Variants in ERC2 observed in about 807,000 individuals in gnomAD.
ERC2 encodes the protein ELKS/RAB6-interacting/CAST family member 2.
In ERC2, 42 loss-of-function variants were observed where a neutral mutation model predicts 114.8. The observed-to-expected ratio is 0.37, with a 90% CI of 0.29 to 0.47. ERC2 has a LOEUF of 0.47. Among genes scored for constraint, ERC2 ranks in the 20% least tolerant of loss-of-function variants. ERC2 has a pLI of 0.99. For synonymous variants in ERC2, 454 were observed against 425.5 expected, an observed-to-expected ratio of 1.07 and a Z score of -0.82; for missense variants, 939 against 1,150.7, an observed-to-expected ratio of 0.82 and a Z score of 2.66.
At chr3:55,685,010 G>A (rs1312183110) in intron 16 of ERC2, among the ~76,000 whole-genome samples, 1 of 152,024 alleles carries the variant, frequency 6.6e-6, no homozygotes. Context: ...GCCAATATTT[G>A]GCCATTTTTA....
At chr3:56,461,991 T>C (rs781765744) in intron 1 of ERC2, among the ~76,000 whole-genome samples, 6 of 152,214 alleles carry the variant, frequency 3.9e-5, no homozygotes, top group Non-Finnish European at 5.9e-5. Context: ...CTAGAATGTT[T>C]AGCAGAAATA....
At chr3:56,210,015 A>T (rs567466212) in intron 3 of ERC2, among the ~76,000 whole-genome samples, 6 of 152,320 alleles carry the variant, frequency 3.9e-5, no homozygotes, top group African/African-American at 1.4e-4. Context: ...TACTTTTATG[A>T]TTAGCAGACA....
At chr3:56,034,454 T>C (rs1375224594) in intron 7 of ERC2, among the ~76,000 whole-genome samples, 1 of 152,094 alleles carries the variant, frequency 6.6e-6, no homozygotes, top group Non-Finnish European at 1.5e-5. Context: ...CAAGAAACAG[T>C]AGATCTGAAT....
At chr3:55,899,744 C>T (rs1235707860) in intron 13 of ERC2, among the ~76,000 whole-genome samples, 1 of 152,040 alleles carries the variant, frequency 6.6e-6, no homozygotes, top group Non-Finnish European at 1.5e-5. Flanking sequence ...GGAGAAAAGA[C>T]TAGAGGGAAA....
chr3:56,309,575 G>T (rs1408027407), intron 2 of ERC2, among the ~76,000 whole-genome samples: 1 of 152,132 alleles, frequency 6.6e-6, no homozygotes, highest in African/African-American at 2.4e-5. Flanking sequence ...GTGAAGAGTT[G>T]AGTTTTGAAT....
intron 17 of ERC2, among the ~76,000 whole-genome samples, chr3:55,533,657 T>A (rs2053808927): frequency 6.6e-6 from 1 of 152,150 alleles, no homozygotes; most frequent in Admixed American, 6.5e-5. Flanking sequence ...CTCAGGCCAC[T>A]GGGGCTGGTG....
intron 7 of ERC2, among the ~76,000 whole-genome samples, chr3:56,021,814 C>A (rs1246646094): frequency 6.6e-6 from 1 of 152,154 alleles, no homozygotes; most frequent in Non-Finnish European, 1.5e-5. Context: ...TGAGTAAGAA[C>A]ATGTGGTATT....
intron 14 of ERC2, among the ~76,000 whole-genome samples, chr3:55,868,791 G>A (rs6775693): frequency 0.012 from 1,782 of 152,166 alleles, 39 homozygotes; most frequent in African/African-American, 0.04. Flanking sequence ...TTTTAAAATC[G>A]TATTATTTCA....
At chr3:56,205,658 A>AT (rs2048681671) in intron 3 of ERC2, among the ~76,000 whole-genome samples, 1 of 152,240 alleles carries the variant, frequency 6.6e-6, no homozygotes, top group Admixed American at 6.5e-5. Context: ...CCACCAGGTC[A>AT]CAAAACCAGA....
chr3:56,161,642 T>G (rs904158464), intron 4 of ERC2, among the ~76,000 whole-genome samples: 4 of 151,894 alleles, frequency 2.6e-5, no homozygotes, highest in Non-Finnish European at 5.9e-5. Flanking sequence ...CCTAGGTATT[T>G]TGTGTGTGTG....
At chr3:55,638,601 T>C (rs958029414) in intron 17 of ERC2, among the ~76,000 whole-genome samples, 4 of 152,082 alleles carry the variant, frequency 2.6e-5, no homozygotes, top group South Asian at 4.2e-4. Flanking sequence ...CACGTTAGAG[T>C]CTGTAGTCTT....
At chr3:56,180,770 T>C (rs542588108) in intron 3 of ERC2, among the ~76,000 whole-genome samples, 17 of 152,326 alleles carry the variant, frequency 1.1e-4, no homozygotes, top group African/African-American at 3.8e-4. Flanking sequence ...AACTGTACAT[T>C]TAAAAGTGGT....
intron 17 of ERC2, among the ~76,000 whole-genome samples, chr3:55,556,857 T>A (rs577014124): frequency 2.0e-5 from 3 of 152,216 alleles, no homozygotes; most frequent in African/African-American, 7.2e-5. Context: ...TGCTTGCAAA[T>A]GAAAGAGTTG....
Position 56,010,528 on chromosome 3 carries a change from T to G in ERC2, c.1841A>C (p.Glu614Ala). ...RERDDRERLE[E>A]IESFRKENKD... ...GTTCTCTTTTCGGAAGGATTCTATC[T>G]CTTCTAGTCTTTCCCGATCATCTCT... The change falls in exon 9 of 18, where the codon GAG becomes GCG. Residue 614 changes from glutamate to alanine, a missense_variant. Coordinates refer to ENST00000288221, the MANE Select transcript of ERC2 (RefSeq NM_015576.3). The G allele has an allele frequency of 6.2e-7, 1 of 1,613,678 alleles. No homozygotes were observed. Among genetic ancestry groups the G allele is most frequent in the Non-Finnish European group, 8.5e-7 (1 of 1,179,710 alleles).
intron 1 of ERC2, among the ~76,000 whole-genome samples, chr3:56,450,786 A>C (rs992750931): frequency 1.3e-5 from 2 of 152,170 alleles, no homozygotes; most frequent in African/African-American, 4.8e-5. Flanking sequence ...AGCTATGATC[A>C]CGCCGTTGCG....
chr3:55,773,290 G>A (rs2068360614), intron 14 of ERC2, among the ~76,000 whole-genome samples: 1 of 152,116 alleles, frequency 6.6e-6, no homozygotes, highest in Non-Finnish European at 1.5e-5. Flanking sequence ...CCCTCTGCCT[G>A]GAGCGCTCTT....
intron 14 of ERC2, among the ~76,000 whole-genome samples, chr3:55,856,991 G>C (rs2061815294): frequency 6.6e-6 from 1 of 151,732 alleles, no homozygotes; most frequent in African/African-American, 2.4e-5. Context: ...AAGTAGATTA[G>C]TAGTTGCCAG....
At chr3:55,707,797 T>C (rs1448452401) in intron 15 of ERC2, among the ~76,000 whole-genome samples, 1 of 152,328 alleles carries the variant, frequency 6.6e-6, no homozygotes, top group East Asian at 1.9e-4. Context: ...ATAGCTGCTA[T>C]GACAGATGCA....
intron 13 of ERC2, among the ~76,000 whole-genome samples, chr3:55,921,678 C>T (rs937038098): frequency 1.3e-5 from 2 of 152,058 alleles, no homozygotes; most frequent in Non-Finnish European, 1.5e-5. Flanking sequence ...TAGCATATAA[C>T]TTTTCTACTA....
Sources: gnomAD v4.1 joint callset for allele counts (sites outside exome capture counted in the v4.1 genomes callset) on GRCh38, gnomAD v4.1.1 for gene constraint, MANE v1.5 for transcripts, NCBI Gene and HGNC (gene_info 2026-07-23, HGNC 2026-07-21) for gene names.